The following ZNF385D variants were observed in gnomAD, a reference collection of about 807,000 sequenced individuals.
ZNF385D encodes zinc finger protein 659.
ZNF385D carries 15 observed loss-of-function variants against 35.8 expected under a neutral mutation model. The observed-to-expected ratio is 0.42, with a 90% confidence interval of 0.28 to 0.64. The LOEUF is 0.64. ZNF385D is among the 30% of genes least tolerant of loss of function. The pLI, the probability that ZNF385D is intolerant of heterozygous loss-of-function variation, is 0.23. For synonymous variants in ZNF385D, 212 were observed against 186.8 expected, an observed-to-expected ratio of 1.13 and a Z score of -1.10; for missense variants, 474 against 494.6, an observed-to-expected ratio of 0.96 and a Z score of 0.39.
chr3:21,956,382 A>G (rs1468818396), intron 3 of ZNF385D, among the ~76,000 whole-genome samples: 1 of 151,896 alleles, frequency 6.6e-6, no homozygotes, highest in Admixed American at 6.6e-5. Flanking sequence ...TTTATAATAT[A>G]ATAGTAATAA....
At chr3:22,240,505 T>C (rs538893614) in intron 2 of ZNF385D, among the ~76,000 whole-genome samples, 7 of 151,100 alleles carry the variant, frequency 4.6e-5, no homozygotes, top group African/African-American at 1.5e-4. Context: ...TCCTTTCTAA[T>C]TGGATGTGGA....
intron 2 of ZNF385D, among the ~76,000 whole-genome samples, chr3:22,183,851 T>G (rs1457257320): frequency 6.6e-6 from 1 of 152,104 alleles, no homozygotes; most frequent in Non-Finnish European, 1.5e-5. Flanking sequence ...TTTTTTAAAT[T>G]TAGTTTTCAA....
intron 2 of ZNF385D, among the ~76,000 whole-genome samples, chr3:21,651,287 C>CAAAA (rs71044931): frequency 2.5e-5 from 2 of 80,112 alleles, no homozygotes; most frequent in South Asian, 6.2e-4. Context: ...GACTTCATCT[C>CAAAA]AAAAAAAAAA....
intron 2 of ZNF385D, among the ~76,000 whole-genome samples, chr3:22,256,332 T>C (rs1700316221): frequency 6.6e-6 from 1 of 151,456 alleles, no homozygotes; most frequent in South Asian, 2.1e-4. Flanking sequence ...AAGAAAGGTC[T>C]CCCCAAAATA....
At chr3:21,582,077 A>T (rs1487063444) in intron 2 of ZNF385D, among the ~76,000 whole-genome samples, 2 of 152,196 alleles carry the variant, frequency 1.3e-5, no homozygotes, top group Non-Finnish European at 2.9e-5. Flanking sequence ...ACAGAAAAGG[A>T]AACTGAGGAA....
chr3:21,840,298 T>A (rs1215031346), intron 3 of ZNF385D, among the ~76,000 whole-genome samples: 1 of 152,080 alleles, frequency 6.6e-6, no homozygotes, highest in African/African-American at 2.4e-5. Flanking sequence ...AAATTCAGAC[T>A]TCAAAGACCT....
At chr3:21,479,761 G>A (rs188183700) in intron 4 of ZNF385D, among the ~76,000 whole-genome samples, 2 of 152,144 alleles carry the variant, frequency 1.3e-5, no homozygotes, top group African/African-American at 4.8e-5. Context: ...TTCACTTATG[G>A]CTGTCTCTTA....
At chr3:22,120,466 T>G (rs1213949431) in intron 3 of ZNF385D, among the ~76,000 whole-genome samples, 1 of 152,096 alleles carries the variant, frequency 6.6e-6, no homozygotes, top group Non-Finnish European at 1.5e-5. Flanking sequence ...AAGAGTTCTA[T>G]CCTCAAATAG....
In ZNF385D at chr3:21,715,906, C is replaced by A. The variant is rs148436982; in HGVS notation, c.22+34989G>T. Among the ~76,000 whole-genome samples the A allele has an allele frequency of 2.8e-3, 419 of 152,212 alleles. 3 individuals carry two copies. Among genetic ancestry groups the A allele is most frequent in the Middle Eastern group, 0.01 (3 of 294 alleles). ...GGAGATCTAATAGGTATTTTAAAAG[C>A]CTTGCATGTCCAAAACCAAACTCCA... On this transcript the variant is annotated intron_variant, in intron 1 of 7. Transcript: ENST00000281523.
intron 3 of ZNF385D, among the ~76,000 whole-genome samples, chr3:21,952,864 A>G (rs540574111): frequency 6.6e-6 from 1 of 152,110 alleles, no homozygotes; most frequent in South Asian, 2.1e-4. Flanking sequence ...CTCAAATGAA[A>G]TTTCTGATGC....
intron 2 of ZNF385D, among the ~76,000 whole-genome samples, chr3:21,619,224 G>A (rs1365957965): frequency 6.6e-6 from 1 of 152,112 alleles, no homozygotes; most frequent in Non-Finnish European, 1.5e-5. Context: ...TTTGGGGGAA[G>A]CAGATTTGAG....
chr3:22,159,299 A>C (rs759646685), intron 3 of ZNF385D, among the ~76,000 whole-genome samples: 1 of 152,048 alleles, frequency 6.6e-6, no homozygotes. Context: ...TCCAAGCTAA[A>C]CGTTATAAAT....
chr3:22,085,495 C>T (rs967333127), intron 3 of ZNF385D, among the ~76,000 whole-genome samples: 2 of 151,944 alleles, frequency 1.3e-5, no homozygotes, highest in South Asian at 2.1e-4. Context: ...ATAAATTCCT[C>T]GACACATACA....
intron 3 of ZNF385D, among the ~76,000 whole-genome samples, chr3:21,908,489 T>C (rs911680856): frequency 6.6e-5 from 10 of 152,156 alleles, no homozygotes; most frequent in African/African-American, 2.2e-4. Context: ...AGAGATCACC[T>C]TGTAGAGGGG....
At chr3:21,764,760 T>C (rs1211710764) in intron 3 of ZNF385D, among the ~76,000 whole-genome samples, 2 of 152,184 alleles carry the variant, frequency 1.3e-5, no homozygotes, top group South Asian at 2.1e-4. Flanking sequence ...CTGAATTCTA[T>C]GTCACACACA....
intron 2 of ZNF385D, among the ~76,000 whole-genome samples, chr3:22,201,216 G>A (rs1313135938): frequency 6.6e-6 from 1 of 152,116 alleles, no homozygotes; most frequent in African/African-American, 2.4e-5. Flanking sequence ...AAATGTCCAT[G>A]AAATCTTCAC....
At chr3:21,980,258 C>G (rs1234885021) in intron 3 of ZNF385D, among the ~76,000 whole-genome samples, 1 of 152,176 alleles carries the variant, frequency 6.6e-6, no homozygotes, top group Non-Finnish European at 1.5e-5. Context: ...TAATTCAGCA[C>G]TGTCCAATAA....
chr3:21,550,272 T>C (rs2062520548), intron 3 of ZNF385D, among the ~76,000 whole-genome samples: 1 of 152,138 alleles, frequency 6.6e-6, no homozygotes, highest in Non-Finnish European at 1.5e-5. Flanking sequence ...TACTGATAAG[T>C]ATTAAGATAT....
intron 3 of ZNF385D, among the ~76,000 whole-genome samples, chr3:21,530,021 C>T (rs2061887201): frequency 6.6e-6 from 1 of 151,926 alleles, no homozygotes. Flanking sequence ...TAGTGCCATC[C>T]CCTTGGTGAG....
Sources: gnomAD v4.1 joint callset for allele counts (sites outside exome capture counted in the v4.1 genomes callset) on GRCh38, gnomAD v4.1.1 for gene constraint, MANE v1.5 for transcripts, NCBI Gene and HGNC (gene_info 2026-07-23, HGNC 2026-07-21) for gene names.